Variants in ZBTB8B observed in about 807,000 individuals in gnomAD.
The protein encoded by ZBTB8B is zinc finger and BTB domain containing 8B.
Under a neutral mutation model 30.3 loss-of-function variants are expected in ZBTB8B, and 17 were observed. The ratio of observed to expected loss-of-function variants is 0.56; its 90% CI spans 0.38 to 0.84. The LOEUF (loss-of-function observed/expected upper bound fraction) is 0.84. Among genes scored for constraint, ZBTB8B ranks in the 40% least tolerant of loss-of-function variants. The probability of loss-of-function intolerance (pLI) is 0.00; values close to 1 mark genes in which losing one functional copy is unlikely to be tolerated. For missense variants in ZBTB8B, 515 were observed against 644.9 expected, an observed-to-expected ratio of 0.80 and a Z score of 2.18; for synonymous variants, 248 against 255.6, an observed-to-expected ratio of 0.97 and a Z score of 0.28.
Position 32,486,312 on chromosome 1 carries a change from G to A in ZBTB8B, c.*894G>A, listed in dbSNP as rs1643744748. Reference sequence around the variant, plus strand: ...GTAGGGCAGGTGAGCCCAAAAATTGGGGCTTAGCCCAGAGGAGTTCTTGGC... The same window carrying A: ...GTAGGGCAGGTGAGCCCAAAAATTGAGGCTTAGCCCAGAGGAGTTCTTGGC... On this transcript the variant is annotated 3_prime_UTR_variant, in exon 4 of 4. Transcript: ENST00000609129. The A allele has an allele frequency of 6.6e-6, 1 of 152,180 alleles. No individual in the cohort carries two copies. Among genetic ancestry groups the A allele is most frequent in the East Asian group, 1.9e-4 (1 of 5,194 alleles). The allele number at this position is 152,180 out of a possible 1,614,324, so 9.4% of individuals were successfully genotyped here. A position where few individuals can be genotyped will look rare whatever the true frequency, so the allele number is the denominator to read the frequency against.
At position 32,471,275 on chromosome 1, in the gene ZBTB8B, C is replaced by G; in HGVS notation, c.651C>G (p.Asp217Glu). The change falls in exon 2 of 4, where the codon GAC becomes GAG. Residue 217 changes from aspartate to glutamate, a missense_variant. Transcript: ENST00000609129. ...ACAGCCTTGGCGGTGGCTCGGCTGA[C>G]AGCAACCTCTCTACTCCACCCAAAC... ...VRDSLGGGSADSNLSTPPKRI... is the reference protein window; with the variant it reads ...VRDSLGGGSAESNLSTPPKRI... The G allele has an allele frequency of 6.4e-7, 1 of 1,551,784 alleles. No homozygotes were observed. The highest frequency in any genetic ancestry group is 1.2e-5 in the South Asian group (1 of 84,064).
At position 32,492,750 on chromosome 1, in the gene ZBTB8B, C is replaced by G. The variant is rs866180854; in HGVS notation, c.*7332C>G. 3 of 152,138 alleles carry G rather than the reference C, an allele frequency of 2.0e-5. No homozygotes were observed. The highest frequency in any genetic ancestry group is 7.2e-5 in the African/African-American group (3 of 41,412). The allele number at this position is 152,138 out of a possible 1,614,324, so 9.4% of individuals were successfully genotyped here. A position where few individuals can be genotyped will look rare whatever the true frequency, so the allele number is the denominator to read the frequency against. ...TGGAGTCTTTACTGTATGTCAAGCA[C>G]GAAGGGTACTTCAGTGAACCAGCAC... On this transcript the variant is annotated 3_prime_UTR_variant, in exon 4 of 4. Transcript: ENST00000609129.
Position 32,484,997 on chromosome 1 carries a change from A to G in ZBTB8B, c.1171-104A>G, listed in dbSNP as rs1643732925. On this transcript the variant is annotated intron_variant, in intron 3 of 3. Transcript: ENST00000609129. This position sits in a 1 kb window ranked among gnomAD's most constrained non-coding sequence, Gnocchi z 4.5. ...GCAGAGAATGCAGGTGGAGTGCTGA[A>G]AAAGGAATCGGGAGGATCAGGCAGG... 1.8e-6 allele frequency: 2 copies of G among 1,129,644 alleles called. No homozygotes were observed. Among genetic ancestry groups the G allele is most frequent in the Non-Finnish European group, 1.3e-6 (1 of 789,976 alleles). The allele number at this position is 1,129,644 out of a possible 1,614,324, so 70.0% of individuals were successfully genotyped here. A position where few individuals can be genotyped will look rare whatever the true frequency, so the allele number is the denominator to read the frequency against.
chr1:32,471,670 T>C, intron 2 of ZBTB8B, 55 bp downstream of exon 2: 1 of 1,495,258 alleles, frequency 6.7e-7, no homozygotes. Flanking sequence ...ACACTGTCTG[T>C]GCCTTGTGTT....
intron 2 of ZBTB8B, among the ~76,000 whole-genome samples, chr1:32,476,259 T>C (rs1032262044): frequency 6.6e-6 from 1 of 152,006 alleles, no homozygotes; most frequent in Non-Finnish European, 1.5e-5. Context: ...CCTCAGCCTC[T>C]CAAAGTGCTG....
At position 32,480,657 on chromosome 1, in the gene ZBTB8B, T is replaced by C. The variant is rs114371747; in HGVS notation, c.992-234T>C. Among the ~76,000 whole-genome samples the C allele has an allele frequency of 2.7e-3, 411 of 152,274 alleles. 4 individuals carry two copies. Among genetic ancestry groups the C allele is most frequent in the African/African-American group, 9.3e-3 (387 of 41,550 alleles). On this transcript the variant is annotated intron_variant, in intron 2 of 3. Coordinates refer to ENST00000609129, the MANE Select transcript of ZBTB8B (RefSeq NM_001145720.2). ...CACAGAAGTGTGGAAGCTGGTGCCT[T>C]ATAGCATTCCCGACATTATAAGAAG...
intron 2 of ZBTB8B, among the ~76,000 whole-genome samples, chr1:32,475,445 G>A (rs2148182912): frequency 6.6e-6 from 1 of 152,272 alleles, no homozygotes. Flanking sequence ...AATTAGCCAG[G>A]CGTGGTGGCG....
chr1:32,480,124 C>T (rs1643693147), intron 2 of ZBTB8B, among the ~76,000 whole-genome samples: 1 of 152,124 alleles, frequency 6.6e-6, no homozygotes, highest in Non-Finnish European at 1.5e-5. Flanking sequence ...AACAGAGTGC[C>T]CCAGACTGGG....
intron 1 of ZBTB8B, among the ~76,000 whole-genome samples, chr1:32,470,316 C>A (rs1286720001): frequency 6.7e-6 from 1 of 149,764 alleles, no homozygotes; most frequent in East Asian, 2.0e-4. Context: ...CTGGCTAACA[C>A]GGTGAAACCC....
chr1:32,485,214 A>G lies in ZBTB8B; in HGVS notation c.1284A>G (p.Thr428=), dbSNP rs1643735590. 1 of 1,551,856 alleles carries G rather than the reference A, an allele frequency of 6.4e-7. No homozygotes were observed. Among genetic ancestry groups the G allele is most frequent in the African/African-American group, 1.4e-5 (1 of 73,040 alleles). ...FGLCDSCTCV[T]DTPDDDDDLM... ...TGTGTGACAGCTGCACCTGCGTTAC[A>G]GACACACCCGATGATGATGATGATT... The change falls in exon 4 of 4, where the codon ACA becomes ACG. Residue 428 remains threonine, a synonymous_variant. Transcript: ENST00000609129.
intron 2 of ZBTB8B, 150 bp downstream of exon 2, chr1:32,471,765 C>T: frequency 1.1e-6 from 1 of 877,530 alleles, no homozygotes; most frequent in Non-Finnish European, 1.7e-6. Flanking sequence ...ATCATCATTA[C>T]CATCATCACC....
At chr1:32,480,762 G>T in intron 2 of ZBTB8B, 129 bp from the exon 3 acceptor site, 1 of 772,898 alleles carries the variant, frequency 1.3e-6, no homozygotes. Context: ...TTGGCTGGTG[G>T]CGGAGTTGGT....
chr1:32,478,998 C>T (rs926011374), intron 2 of ZBTB8B, among the ~76,000 whole-genome samples: 2 of 152,160 alleles, frequency 1.3e-5, no homozygotes, highest in African/African-American at 4.8e-5. Context: ...ATTCTTACCA[C>T]AATCCTGTGA....
chr1:32,465,855 G>C lies in ZBTB8B; in HGVS notation c.-42+750G>C, dbSNP rs577870703. The stretch of plus-strand genomic sequence containing the variant: ...AAAAGAGGATGTAGTTAGAGTATCT[G>C]TCGTACTGGATTATTGTGAGGTGAA... On this transcript the variant is annotated intron_variant, in intron 1 of 3. Coordinates refer to ENST00000609129, the MANE Select transcript of ZBTB8B (RefSeq NM_001145720.2). This position sits in a 1 kb window ranked among gnomAD's most constrained non-coding sequence, Gnocchi z 4.1. Among the ~76,000 whole-genome samples, 1 of 152,208 alleles carries C rather than the reference G, an allele frequency of 6.6e-6. No individual in the cohort carries two copies. The highest frequency in any genetic ancestry group is 2.1e-4 in the South Asian group (1 of 4,808).
intron 2 of ZBTB8B, among the ~76,000 whole-genome samples, chr1:32,475,464 T>C (rs1407859705): frequency 6.6e-6 from 1 of 152,124 alleles, no homozygotes; most frequent in African/African-American, 2.4e-5. Flanking sequence ...CGAGTGCCTG[T>C]GATCCCAGCT....
Position 32,486,414 on chromosome 1 carries a change from C to T in ZBTB8B, c.*996C>T, listed in dbSNP as rs1196100265. On this transcript the variant is annotated 3_prime_UTR_variant, in exon 4 of 4. Coordinates refer to ENST00000609129, the MANE Select transcript of ZBTB8B (RefSeq NM_001145720.2). ...GTATTGAAGCAGCAGTGCCCAACAG[C>T]AGCTAAGGGGCCGCTCCTCGTGGAG... 6.6e-6 allele frequency: 1 copy of T among 152,272 alleles called. No homozygotes were observed. Among genetic ancestry groups the T allele is most frequent in the African/African-American group, 2.4e-5 (1 of 41,454 alleles). 9.4% of individuals were successfully genotyped at this position (152,272 alleles called of 1,614,324 possible). A position where few individuals can be genotyped will look rare whatever the true frequency, so the allele number is the denominator to read the frequency against.
rs1489369444 is a variant in ZBTB8B, at chr1:32,485,332, G to T, written c.1402G>T (p.Gly468Cys). The change falls in exon 4 of 4, where the codon GGT (glycine) becomes TGT (cysteine). Residue 468 changes from glycine to cysteine, a missense_variant. Around this residue, in one of 3 missense-constraint regions of ZBTB8B, gnomAD observed 429 missense variants for 504.3 expected, o/e 0.85. Transcript: ENST00000609129. Reference sequence around the variant, plus strand: ...TGACTGGCCAATCTATGTGGAGTCGGGTGAGGAAAATGACCCTGCTGGAGA... The same window carrying T: ...TGACTGGCCAATCTATGTGGAGTCGTGTGAGGAAAATGACCCTGCTGGAGA... ...DNDWPIYVES[G>C]EENDPAGDDS... 1.3e-6 allele frequency: 2 copies of T among 1,552,086 alleles called. No individual in the cohort carries two copies. The highest frequency in any genetic ancestry group is 1.7e-6 in the Non-Finnish European group (2 of 1,147,122).
chr1:32,485,412 T>C lies in ZBTB8B; in HGVS notation c.1482T>C (p.Leu494=). The C allele has an allele frequency of 6.5e-7, 1 of 1,547,024 alleles. No individual in the cohort carries two copies. Among genetic ancestry groups the C allele is most frequent in the Non-Finnish European group, 8.7e-7 (1 of 1,142,906 alleles). The change falls in exon 4 of 4, where the codon CTT becomes CTC. Residue 494 remains leucine (L), a synonymous_variant. Transcript: ENST00000609129. ...IQPNLSDRET[L]T ...CTAACTTATCAGACCGAGAGACACT[T>C]ACGTAGCAATAAATTGGTGGGGAAG...
intron 2 of ZBTB8B, 96 bp from the exon 3 acceptor site, chr1:32,480,795 G>T: frequency 8.2e-7 from 1 of 1,212,716 alleles, no homozygotes; most frequent in Non-Finnish European, 1.1e-6. Flanking sequence ...TATCTGGGCT[G>T]GTGGAATTCC....
Sources: allele counts gnomAD v4.1 joint callset (sites outside exome capture counted in the v4.1 genomes callset), GRCh38; gene constraint gnomAD v4.1.1; regional missense constraint gnomAD v4.1.1; non-coding constraint Gnocchi (gnomAD v3.1); transcripts MANE v1.5; gene names NCBI Gene and HGNC (gene_info 2026-07-23, HGNC 2026-07-21).